The following RPTOR variants were observed in gnomAD, a reference collection of about 807,000 sequenced individuals.
The protein encoded by RPTOR is regulatory associated protein of MTOR complex 1, also known as regulatory-associated protein of mTOR.
Under a neutral mutation model 169.9 loss-of-function variants are expected in RPTOR, and 21 were observed. The observed-to-expected ratio is 0.12, with a 90% confidence interval of 0.09 to 0.18. The LOEUF (loss-of-function observed/expected upper bound fraction) is 0.18, where lower values mean the gene tolerates loss of function less well. RPTOR is among the 10% of genes least tolerant of loss of function. The pLI is 1.00. For synonymous variants in RPTOR, 732 were observed against 753.2 expected, an observed-to-expected ratio of 0.97 and a Z score of 0.46; for missense variants, 1,133 against 1,855.9, an observed-to-expected ratio of 0.61 and a Z score of 7.16.
chr17:80,848,000 T>C (rs1598350971), intron 11 of RPTOR, among the ~76,000 whole-genome samples: 1 of 152,226 alleles, frequency 6.6e-6, no homozygotes, highest in African/African-American at 2.4e-5. Context: ...GTCGCAGGCG[T>C]GCTGTAGGAC....
chr17:80,884,270 A>C (rs2068217574), intron 16 of RPTOR, among the ~76,000 whole-genome samples: 1 of 152,148 alleles, frequency 6.6e-6, no homozygotes, highest in South Asian at 2.1e-4. Context: ...CTGCGTCCTC[A>C]CTGTGGCCTG....
At chr17:80,918,019 G>C (rs2068694769) in intron 21 of RPTOR, among the ~76,000 whole-genome samples, 1 of 152,234 alleles carries the variant, frequency 6.6e-6, no homozygotes, top group African/African-American at 2.4e-5. Flanking sequence ...TGGATGCTCA[G>C]AACAGTGGGA....
chr17:80,582,254 G>A (rs917830270), intron 1 of RPTOR, among the ~76,000 whole-genome samples: 1 of 152,204 alleles, frequency 6.6e-6, no homozygotes, highest in African/African-American at 2.4e-5. Context: ...CTGGCTTGTG[G>A]ACTTAGATGG....
intron 1 of RPTOR, among the ~76,000 whole-genome samples, chr17:80,558,612 TC>T (rs1704292544): frequency 6.6e-6 from 1 of 152,202 alleles, no homozygotes; most frequent in African/African-American, 2.4e-5. Context: ...ACTGTCACCC[TC>T]CATTTACATA....
At chr17:80,738,189 G>T (rs1247715094) in intron 5 of RPTOR, among the ~76,000 whole-genome samples, 1 of 152,234 alleles carries the variant, frequency 6.6e-6, no homozygotes, top group African/African-American at 2.4e-5. Context: ...AGCAGGAGAT[G>T]CCCAGCCCGG....
At chr17:80,767,067 C>A in intron 6 of RPTOR, among the ~76,000 whole-genome samples, 1 of 152,184 alleles carries the variant, frequency 6.6e-6, no homozygotes, top group East Asian at 1.9e-4. Flanking sequence ...CCTTACTGAT[C>A]CTACAGATGT....
At chr17:80,862,473 T>TC (rs2067928025) in intron 13 of RPTOR, among the ~76,000 whole-genome samples, 1 of 150,546 alleles carries the variant, frequency 6.6e-6, no homozygotes, top group African/African-American at 2.5e-5. Flanking sequence ...TCTCCACCCC[T>TC]ACCCCCCCAT....
At position 80,674,398 on chromosome 17, in the gene RPTOR, A is replaced by G. The variant is rs552246275; in HGVS notation, c.348+30588A>G. ...TTTAAGGATGTTTCTTAAAAGTTAC[A>G]CTCAGCACTTTCACAGGGAGGCTGG... On this transcript the variant is annotated intron_variant, in intron 3 of 33. Transcript: ENST00000306801. 2.6e-3 allele frequency among the ~76,000 whole-genome samples: 397 copies of G among 152,238 alleles called. 2 individuals are homozygous for G. The highest frequency in any genetic ancestry group is 9.3e-3 in the African/African-American group (387 of 41,532).
intron 6 of RPTOR, among the ~76,000 whole-genome samples, chr17:80,761,909 C>T (rs961869264): frequency 6.6e-6 from 1 of 152,198 alleles, no homozygotes; most frequent in African/African-American, 2.4e-5. Flanking sequence ...TAGTATCCCA[C>T]TCTGTATCTT....
At chr17:80,658,991 C>G (rs1246121827) in intron 3 of RPTOR, among the ~76,000 whole-genome samples, 2 of 152,144 alleles carry the variant, frequency 1.3e-5, no homozygotes, top group African/African-American at 4.8e-5. Flanking sequence ...TGCTGATGGC[C>G]TGGACTCAGC....
At chr17:80,774,016 C>T (rs1235943756) in intron 6 of RPTOR, 7 of 985,308 alleles carry the variant, frequency 7.1e-6, no homozygotes, top group Non-Finnish European at 8.4e-6. Context: ...CTGAGTCAGG[C>T]TTTAATGTAA....
chr17:80,909,754 C>T (rs889421242), intron 21 of RPTOR: 1 of 152,146 alleles, frequency 6.6e-6, no homozygotes, highest in Admixed American at 6.5e-5. Context: ...CATTCTAGCT[C>T]AAGGGAACTT....
At chr17:80,585,206 T>G (rs2065049552) in intron 1 of RPTOR, among the ~76,000 whole-genome samples, 1 of 146,084 alleles carries the variant, frequency 6.8e-6, no homozygotes, top group South Asian at 2.1e-4. Context: ...ATTATTATTT[T>G]TGTTTTTTTT....
intron 3 of RPTOR, among the ~76,000 whole-genome samples, chr17:80,665,646 G>T (rs1357835075): frequency 6.6e-6 from 1 of 150,874 alleles, no homozygotes; most frequent in Non-Finnish European, 1.5e-5. Context: ...CCAGGTTCAC[G>T]CCATTCTCCT....
intron 13 of RPTOR, among the ~76,000 whole-genome samples, chr17:80,865,594 A>T (rs1220456312): frequency 6.6e-6 from 1 of 152,192 alleles, no homozygotes; most frequent in Non-Finnish European, 1.5e-5. Flanking sequence ...TTCATCATTC[A>T]TCAAGAGAAC....
Position 80,817,625 on chromosome 17 carries a change from G to A in RPTOR, c.891-4576G>A, listed in dbSNP as rs1272278843. On this transcript the variant is annotated intron_variant, in intron 7 of 33. Coordinates refer to ENST00000306801, the MANE Select transcript of RPTOR (RefSeq NM_020761.3). ...GTGATGGGGCAAATGACAGGGAGCC[G>A]GGCAGGTCCGGGAGAAGGGGTGGGG... is the stretch of plus-strand genomic sequence containing the variant. Among the ~76,000 whole-genome samples the A allele has an allele frequency of 9.9e-5, 15 of 152,252 alleles. No individual in the cohort carries two copies. The East Asian group carries it at 2.3e-3, about 24-fold the overall frequency.
intron 1 of RPTOR, among the ~76,000 whole-genome samples, chr17:80,618,669 A>G (rs1164464014): frequency 2.0e-5 from 3 of 152,254 alleles, no homozygotes; most frequent in African/African-American, 4.8e-5. Flanking sequence ...GCCTAAAAAA[A>G]GAGTAGTACT....
At chr17:80,700,789 G>C (rs1452326426) in intron 3 of RPTOR, among the ~76,000 whole-genome samples, 8 of 149,872 alleles carry the variant, frequency 5.3e-5, no homozygotes, top group East Asian at 2.0e-4. Flanking sequence ...TGATGATGGT[G>C]GTGGTGGTGA....
intron 11 of RPTOR, among the ~76,000 whole-genome samples, chr17:80,846,830 T>C (rs2067736644): frequency 6.6e-6 from 1 of 152,232 alleles, no homozygotes; most frequent in African/African-American, 2.4e-5. Flanking sequence ...ATTTCCCTCC[T>C]CCACCCTCAG....
Sources: allele counts gnomAD v4.1 joint callset (sites outside exome capture counted in the v4.1 genomes callset), GRCh38; gene constraint gnomAD v4.1.1; transcripts MANE v1.5; gene names NCBI Gene and HGNC (gene_info 2026-07-23, HGNC 2026-07-21).